The following MAPK15 variants were observed in gnomAD, a reference collection of about 807,000 sequenced individuals.
MAPK15 encodes ERK-7.
A neutral mutation model predicts 60.8 loss-of-function variants in MAPK15; 61 were observed. The observed-to-expected ratio is 1.00, with a 90% CI of 0.82 to 1.24. MAPK15 has a LOEUF of 1.24. MAPK15 is among the 50% of genes most tolerant of loss of function. MAPK15 has a pLI of 0.00. For synonymous variants in MAPK15, 356 were observed against 319.9 expected (o/e 1.11, Z -1.21); for missense variants, 808 against 741.1 (o/e 1.09, Z -1.05).
At position 143,722,183 on chromosome 8, in the gene MAPK15, C is replaced by T. The variant is rs1554620189; in HGVS notation, c.1567C>T (p.Gln523Ter). ...GARALLGGYS[Q>*]AYGTVCHSAL... ...CAGGGCTTTGCTTGGAGGCTACTCC[C>T]AAGCCTACGGGACTGTCTGCCACTC... The change falls in exon 14 of 14, where the codon CAA becomes TAA. Residue 523 changes from glutamine (Q) to a stop codon, truncating the protein, a stop_gained. Coordinates refer to ENST00000338033, the MANE Select transcript of MAPK15 (RefSeq NM_139021.3). LOFTEE classifies it high-confidence loss of function. 1 of 1,610,126 alleles carries T rather than the reference C, an allele frequency of 6.2e-7. No individual in the cohort carries two copies. Among genetic ancestry groups the T allele is most frequent in the Admixed American group, 1.7e-5 (1 of 59,764 alleles).
intron 4 of MAPK15, chr8:143,718,546 C>G (rs1817902622): frequency 4.8e-6 from 3 of 626,136 alleles, no homozygotes; most frequent in Non-Finnish European, 5.7e-6. Context: ...CAGTTGCGTT[C>G]TCCTTTTTCT....
chr8:143,716,353 AG>A lies in MAPK15; in HGVS notation c.-23del. ...TCCCACGGCAACCGACTCAACAGTA[AG>A]GCCCCGCGGGCGTCCTGGCCGCCAT... On this transcript the variant is annotated 5_prime_UTR_variant, in exon 1 of 14. Coordinates refer to ENST00000338033, the MANE Select transcript of MAPK15 (RefSeq NM_139021.3). 1 of 1,585,576 alleles carries A rather than the reference AG, an allele frequency of 6.3e-7. No individual in the cohort carries two copies. Among genetic ancestry groups the A allele is most frequent in the Non-Finnish European group, 8.6e-7 (1 of 1,169,394 alleles).
At position 143,719,447 on chromosome 8, in the gene MAPK15, T is replaced by A; in HGVS notation, c.686T>A (p.Leu229Gln). ...ACGTCCACCCTCCACCAGCTGGAGC[T>A]GATCCTGGAGACCATCCCACCGCCA... is the stretch of plus-strand genomic sequence containing the variant. ...PGTSTLHQLE[L>Q]ILETIPPPSE... The change falls in exon 7 of 14, where the codon CTG becomes CAG. Residue 229 changes from leucine (L) to glutamine (Q), a missense_variant. Leu to Gln is a moderately radical substitution (Grantham distance 113, BLOSUM62 -2). Transcript: ENST00000338033. 1.2e-6 allele frequency: 2 copies of A among 1,608,672 alleles called. No individual in the cohort carries two copies. The highest frequency in any genetic ancestry group is 1.7e-6 in the Non-Finnish European group (2 of 1,178,584).
At chr8:143,717,857 G>C in intron 2 of MAPK15, 65 bp downstream of exon 2, 1 of 1,543,486 alleles carries the variant, frequency 6.5e-7, no homozygotes, top group Non-Finnish European at 8.9e-7. Context: ...TTGCCCTGGT[G>C]CCTGGAAGCT....
At chr8:143,716,529 G>A (rs1298184810) in intron 1 of MAPK15, 86 bp downstream of exon 1, 1 of 1,300,218 alleles carries the variant, frequency 7.7e-7, no homozygotes, top group African/African-American at 1.5e-5. Context: ...GGTCCCCTCG[G>A]AGGCCTGTTC....
rs563533999 is a variant in MAPK15 at position 143,719,238 on chromosome 8, C to G, written c.581+82C>G. The G allele has an allele frequency of 1.6e-5, 24 of 1,510,948 alleles. No individual in the cohort carries two copies. In the South Asian group the frequency reaches 3.0e-4, roughly 19 times the overall value. 93.6% of individuals were successfully genotyped at this position (1,510,948 alleles called of 1,614,324 possible). ...CCAGGGCTCCCAGGCCTCCCGTACT[C>G]CGACCCTGCCTTGGTCCACAAGTGT... On this transcript the variant is annotated intron_variant, in intron 6 of 13. Transcript: ENST00000338033.
intron 4 of MAPK15, 51 bp from the exon 5 acceptor site, chr8:143,718,724 G>GC: frequency 2.6e-6 from 2 of 783,688 alleles, no homozygotes; most frequent in Non-Finnish European, 4.0e-6. Flanking sequence ...CTCCCCCCAG[G>GC]TTGCCCCCCC....
chr8:143,721,527 G>A (rs782396098), intron 11 of MAPK15, 22 bp from the exon 12 acceptor site: 1 of 1,613,552 alleles, frequency 6.2e-7, no homozygotes, highest in South Asian at 1.1e-5. Context: ...CTGACCCCGG[G>A]GTTGACCCAC....
In MAPK15 at chr8:143,720,533, C is replaced by G. The variant is rs73371179; in HGVS notation, c.780-170C>G. ...GAGGGCACCAGGGGGCCGCAGGGGT[C>G]TCTCCACCCTGCAGGGGCCCAGACT... On this transcript the variant is annotated intron_variant, in intron 8 of 13. Transcript: ENST00000338033. The surrounding 1 kb of genome is among the most constrained non-coding windows in gnomAD (Gnocchi z 4.6). 6.9e-6 allele frequency: 10 copies of G among 1,457,092 alleles called. No individual in the cohort carries two copies. Among genetic ancestry groups the G allele is most frequent in the South Asian group, 2.9e-5 (2 of 68,808 alleles). The allele number at this position is 1,457,092 out of a possible 1,614,324, so 90.3% of individuals were successfully genotyped here.
rs202144789 is a variant in MAPK15, at chr8:143,722,192, G to A, written c.1576G>A (p.Gly526Arg). The A allele has an allele frequency of 9.1e-5, 147 of 1,609,158 alleles. No homozygotes were observed. The Admixed American group carries it at 1.0e-3, about 11-fold the overall frequency. ...ALLGGYSQAY[G>R]TVCHSALGHL... Reference sequence around the variant, plus strand: ...GCTTGGAGGCTACTCCCAAGCCTACGGGACTGTCTGCCACTCGGCACTGGG... The same window carrying A: ...GCTTGGAGGCTACTCCCAAGCCTACAGGACTGTCTGCCACTCGGCACTGGG... Residue 526 changes from glycine to arginine, a missense_variant, in exon 14 of 14, where the codon GGG (glycine) becomes AGG (arginine). Coordinates refer to ENST00000338033, the MANE Select transcript of MAPK15 (RefSeq NM_139021.3).
rs1204180320 is a variant in MAPK15 at position 143,721,753 on chromosome 8, T to G, written c.1331T>G (p.Val444Gly). 12 of 1,613,292 alleles carry G rather than the reference T, an allele frequency of 7.4e-6. No individual in the cohort carries two copies. The highest frequency in any genetic ancestry group is 1.0e-5 in the Non-Finnish European group (12 of 1,179,860). The change falls in exon 13 of 14, where the codon GTG becomes GGG. Residue 444 changes from valine (V) to glycine (G), a missense_variant and splice_region_variant. Val to Gly is a moderately radical substitution (Grantham distance 109). Coordinates refer to ENST00000338033, the MANE Select transcript of MAPK15 (RefSeq NM_139021.3). ...ACCCTGTGACATGGCCCTTCCCAGGTGAAGCCAAGCGGGAGGGGAGCTGCG... is the reference window on the plus strand; with the variant it reads ...ACCCTGTGACATGGCCCTTCCCAGGGGAAGCCAAGCGGGAGGGGAGCTGCG... ...KEAPPLTLSL[V>G]KPSGRGAAPS...
intron 10 of MAPK15, 36 bp downstream of exon 10, chr8:143,721,141 ACTGCACCCTGGAGG>A: frequency 1.2e-6 from 2 of 1,600,456 alleles, no homozygotes; most frequent in Non-Finnish European, 1.7e-6. Flanking sequence ...TCCCCTGTCT[ACTGCACCCTGGAGG>A]CTGCCTCCTA....
chr8:143,720,775 C>A lies in MAPK15; in HGVS notation c.852C>A (p.Leu284=). The part of the protein sequence containing the change: ...SPEALDLLRR[L]LVFAPDKRLS... ...AGGCCTTGGACCTCCTTAGGCGACTCCTGGTGTTCGCCCCGGACAAGCGGT... is the reference window on the plus strand; with the variant it reads ...AGGCCTTGGACCTCCTTAGGCGACTACTGGTGTTCGCCCCGGACAAGCGGT... Residue 284 remains leucine, a synonymous_variant, in exon 9 of 14, where the codon CTC becomes CTA. Coordinates refer to ENST00000338033, the MANE Select transcript of MAPK15 (RefSeq NM_139021.3). The surrounding 1 kb of genome is among the most constrained non-coding windows in gnomAD (Gnocchi z 4.6). The A allele has an allele frequency of 6.2e-7, 1 of 1,613,758 alleles. No homozygotes were observed.
chr8:143,720,129 G>T lies in MAPK15; in HGVS notation c.722-101G>T. On this transcript the variant is annotated intron_variant, in intron 7 of 13. Coordinates refer to ENST00000338033, the MANE Select transcript of MAPK15 (RefSeq NM_139021.3). This position sits in a 1 kb window ranked among gnomAD's most constrained non-coding sequence, Gnocchi z 4.6. ...CAGACAGCAGAAACCCTGTAGAGAG[G>T]CTGTGCTCCCTGGGGCTGGAAGAGA... The T allele has an allele frequency of 6.7e-7, 1 of 1,496,812 alleles. No individual in the cohort carries two copies. Among genetic ancestry groups the T allele is most frequent in the Non-Finnish European group, 9.0e-7 (1 of 1,113,368 alleles). 92.7% of individuals were successfully genotyped at this position (1,496,812 alleles called of 1,614,324 possible).
At chr8:143,717,667 G>A (rs1554618618) in intron 1 of MAPK15, 27 bp from the exon 2 acceptor site, 2 of 1,560,852 alleles carry the variant, frequency 1.3e-6, no homozygotes, top group East Asian at 2.3e-5. Flanking sequence ...GAAGGGGCTG[G>A]CCCTGTGTGA....
At chr8:143,717,597 A>G in intron 1 of MAPK15, 97 bp from the exon 2 acceptor site, 1 of 1,062,696 alleles carries the variant, frequency 9.4e-7, no homozygotes, top group Non-Finnish European at 1.4e-6. Context: ...CTCGGGACCC[A>G]GGATGGGAAG....
chr8:143,717,601 TG>T, intron 1 of MAPK15, 92 bp from the exon 2 acceptor site: 1 of 1,099,730 alleles, frequency 9.1e-7, no homozygotes, highest in Non-Finnish European at 1.3e-6. Context: ...GGACCCAGGA[TG>T]GGAAGGAGGA....
intron 7 of MAPK15, among the ~76,000 whole-genome samples, chr8:143,719,825 G>C (rs116566147): frequency 0.011 from 1,713 of 152,246 alleles, 32 homozygotes; most frequent in African/African-American, 0.039. Context: ...GAGACAGCTG[G>C]GCAGGAGAGA....
rs202040253 is a variant in MAPK15 at position 143,720,334 on chromosome 8, G to A, written c.779+47G>A. On this transcript the variant is annotated intron_variant, in intron 8 of 13. Transcript: ENST00000338033. The surrounding 1 kb of genome is among the most constrained non-coding windows in gnomAD (Gnocchi z 4.6). ...AGGGTGACAGGGTGGCCTATCTCAA[G>A]GGAGCAGGGCCACCTTCCTGCAAGT... 11 of 1,524,916 alleles carry A rather than the reference G, an allele frequency of 7.2e-6. No individual in the cohort carries two copies. In the East Asian group the frequency reaches 2.4e-4, roughly 33 times the overall value. 94.5% of individuals were successfully genotyped at this position (1,524,916 alleles called of 1,614,324 possible).
Sources: gnomAD v4.1 joint callset for allele counts (sites outside exome capture counted in the v4.1 genomes callset) on GRCh38, gnomAD v4.1.1 for gene constraint, Gnocchi (gnomAD v3.1) non-coding constraint, MANE v1.5 for transcripts, NCBI Gene and HGNC (gene_info 2026-07-23, HGNC 2026-07-21) for gene names.